Variants in DPP10 observed in about 807,000 individuals in gnomAD.
DPP10 encodes the protein dipeptidyl peptidase like 10, also known as inactive dipeptidyl peptidase 10.
In DPP10, 33 loss-of-function variants were observed where a neutral mutation model predicts 120.9. That is an observed-to-expected ratio of 0.27 (90% CI 0.21 to 0.37). DPP10 has a LOEUF of 0.37. DPP10 is among the 10% of genes least tolerant of loss of function. The pLI is 1.00. For synonymous variants in DPP10, 337 were observed against 326.1 expected, an observed-to-expected ratio of 1.03 and a Z score of -0.36; for missense variants, 816 against 942.8, an observed-to-expected ratio of 0.87 and a Z score of 1.76.
chr2:114,638,380 C>G (rs1441737466), intron 1 of DPP10, among the ~76,000 whole-genome samples: 2 of 151,590 alleles, frequency 1.3e-5, no homozygotes, highest in African/African-American at 4.9e-5. Flanking sequence ...ATTTGCAAAC[C>G]ATACATCTAA....
intron 1 of DPP10, among the ~76,000 whole-genome samples, chr2:115,155,194 T>C (rs1191757938): frequency 1.3e-5 from 2 of 152,136 alleles, no homozygotes; most frequent in East Asian, 1.9e-4. Flanking sequence ...TATATTTAAT[T>C]GCAAAAACCA....
intron 1 of DPP10, chr2:115,297,326 G>T: frequency 2.9e-6 from 1 of 347,176 alleles, no homozygotes; most frequent in Non-Finnish European, 6.0e-6. Flanking sequence ...AGCCCAGGTG[G>T]GCAGACCAGG....
chr2:115,652,588 T>C (rs934253220), intron 5 of DPP10, among the ~76,000 whole-genome samples: 6 of 151,852 alleles, frequency 4.0e-5, no homozygotes, highest in Middle Eastern at 3.2e-3. Context: ...GAGCCGATGG[T>C]ACAGTTCTAG....
At chr2:115,515,403 A>G (rs1016511326) in intron 4 of DPP10, among the ~76,000 whole-genome samples, 28 of 149,882 alleles carry the variant, frequency 1.9e-4, no homozygotes, top group African/African-American at 6.8e-4. Context: ...TTGGCTGATA[A>G]AAGATAGAAT....
intron 1 of DPP10, among the ~76,000 whole-genome samples, chr2:114,941,704 C>A (rs1484011518): frequency 2.0e-5 from 3 of 152,058 alleles, no homozygotes; most frequent in Non-Finnish European, 4.4e-5. Flanking sequence ...TAGCAGAAAA[C>A]AATTAGCTGC....
chr2:115,781,993 G>A (rs1316820246), intron 16 of DPP10, among the ~76,000 whole-genome samples: 1 of 151,998 alleles, frequency 6.6e-6, no homozygotes, highest in Admixed American at 6.6e-5. Context: ...TCTTGGATCA[G>A]TGGATGAGGG....
intron 3 of DPP10, among the ~76,000 whole-genome samples, chr2:115,399,395 G>A (rs17044296): frequency 0.048 from 7,269 of 151,972 alleles, 484 homozygotes; most frequent in East Asian, 0.17. Context: ...TAATGCGATC[G>A]GACAACACTA....
intron 1 of DPP10, among the ~76,000 whole-genome samples, chr2:114,845,573 G>T (rs1164041912): frequency 6.6e-6 from 1 of 152,074 alleles, no homozygotes; most frequent in East Asian, 1.9e-4. Context: ...CAATTTTTAA[G>T]AGGACTTTGT....
intron 1 of DPP10, among the ~76,000 whole-genome samples, chr2:115,064,083 C>T (rs1020413749): frequency 1.6e-4 from 24 of 152,240 alleles, no homozygotes; most frequent in African/African-American, 5.1e-4. Context: ...AACTTTCTCA[C>T]TTTCACACAA....
intron 5 of DPP10, among the ~76,000 whole-genome samples, chr2:115,626,331 T>C (rs1304770264): frequency 6.6e-6 from 1 of 152,062 alleles, no homozygotes; most frequent in African/African-American, 2.4e-5. Context: ...AATAATAATT[T>C]AAGTAACTTT....
chr2:115,833,905 T>C (rs979410633), intron 21 of DPP10, among the ~76,000 whole-genome samples: 7 of 152,138 alleles, frequency 4.6e-5, no homozygotes, highest in African/African-American at 1.2e-4. Context: ...CTTTCTTGCT[T>C]TGCATAGCTT....
chr2:115,065,522 C>A (rs1706761815), intron 1 of DPP10: 2 of 151,986 alleles, frequency 1.3e-5, no homozygotes, highest in African/African-American at 4.8e-5. Context: ...CTTTATAATT[C>A]TTTTAATCTT....
intron 1 of DPP10, among the ~76,000 whole-genome samples, chr2:115,238,682 G>A (rs1324415789): frequency 6.6e-6 from 1 of 152,114 alleles, no homozygotes; most frequent in African/African-American, 2.4e-5. Flanking sequence ...ACTTCTTATG[G>A]ATGAGCAAAG....
intron 1 of DPP10, among the ~76,000 whole-genome samples, chr2:114,648,697 G>T (rs12991403): frequency 2.0e-5 from 3 of 152,112 alleles, no homozygotes; most frequent in Admixed American, 1.3e-4. Flanking sequence ...TGATCAATAG[G>T]TAGGTATAAG....
chr2:115,064,572 C>T (rs1706686754), intron 1 of DPP10: 10 of 1,108,042 alleles, frequency 9.0e-6, no homozygotes, highest in African/African-American at 3.2e-5. Context: ...CACCCCTACA[C>T]ACACATATTT....
intron 1 of DPP10, among the ~76,000 whole-genome samples, chr2:115,126,668 TCCGATGC>T (rs2050099153): frequency 6.6e-6 from 1 of 152,188 alleles, no homozygotes; most frequent in Non-Finnish European, 1.5e-5. Context: ...TTCTTGCTGT[TCCGATGC>T]TCTCTCTCTT....
At chr2:115,236,299 A>G (rs191998839) in intron 1 of DPP10, among the ~76,000 whole-genome samples, 151 of 152,314 alleles carry the variant, frequency 9.9e-4, no homozygotes, top group African/African-American at 3.4e-3. Context: ...AGAATATACC[A>G]TGGACATAGT....
intron 3 of DPP10, among the ~76,000 whole-genome samples, chr2:115,454,981 C>T (rs1343573486): frequency 6.6e-6 from 1 of 150,492 alleles, no homozygotes; most frequent in South Asian, 2.1e-4. Context: ...AAATAAGATA[C>T]ACAAAAAAAT....
chr2:114,445,874 G>A (rs972715958), intron 1 of DPP10, among the ~76,000 whole-genome samples: 1 of 152,058 alleles, frequency 6.6e-6, no homozygotes, highest in Non-Finnish European at 1.5e-5. Flanking sequence ...AGTCAAATAG[G>A]GGTGCCAAGT....
Sources: gnomAD v4.1 joint callset for allele counts (sites outside exome capture counted in the v4.1 genomes callset) on GRCh38, gnomAD v4.1.1 for gene constraint, MANE v1.5 for transcripts, NCBI Gene and HGNC (gene_info 2026-07-23, HGNC 2026-07-21) for gene names.